UNC13C: variants seen among roughly 807,000 people sequenced by gnomAD.
UNC13C encodes the protein unc-13 homolog C, also known as protein unc-13 homolog C.
Under a neutral mutation model 245.4 loss-of-function variants are expected in UNC13C, and 174 were observed. The observed-to-expected ratio is 0.71, with a 90% CI of 0.63 to 0.80. UNC13C has a LOEUF of 0.80. Among genes scored for constraint, UNC13C ranks in the 30% least tolerant of loss-of-function variants. UNC13C has a pLI of 0.00. For missense variants in UNC13C, 2,829 were observed against 2,602.9 expected (o/e 1.09, Z -1.89); for synonymous variants, 992 against 895.1 (o/e 1.11, Z -1.93).
At chr15:54,358,043 A>G (rs951990371) in intron 17 of UNC13C, among the ~76,000 whole-genome samples, 3 of 152,074 alleles carry the variant, frequency 2.0e-5, no homozygotes, top group East Asian at 1.9e-4. Context: ...TCAGTATGCA[A>G]TCGAGCTTTC....
At chr15:54,352,556 C>T (rs1210496156) in intron 17 of UNC13C, among the ~76,000 whole-genome samples, 4 of 151,574 alleles carry the variant, frequency 2.6e-5, no homozygotes, top group African/African-American at 9.7e-5. Context: ...CCTGATTCGT[C>T]AGAACAGTGT....
At chr15:53,874,767 A>G in the UNC13C span, among the ~76,000 whole-genome samples, 12 of 152,146 alleles carry the variant, frequency 7.9e-5, no homozygotes, top group East Asian at 1.9e-4. Flanking sequence ...ACTTCCACAT[A>G]TACTTGGCAC....
At chr15:54,121,310 G>A (rs902098697) in intron 2 of UNC13C, among the ~76,000 whole-genome samples, 12 of 152,052 alleles carry the variant, frequency 7.9e-5, no homozygotes, top group South Asian at 2.1e-4. Context: ...TACAATTTGC[G>A]GAAGGCTCAG....
intron 12 of UNC13C, 86 bp downstream of exon 12, chr15:54,298,012 A>T: frequency 1.0e-6 from 1 of 983,798 alleles, no homozygotes; most frequent in Non-Finnish European, 1.5e-6. Context: ...TTTAAAAATC[A>T]TTGAATTTGT....
the UNC13C span, among the ~76,000 whole-genome samples, chr15:53,851,565 C>T: frequency 6.6e-6 from 1 of 152,150 alleles, no homozygotes; most frequent in East Asian, 1.9e-4. Context: ...TCCTGTCCAC[C>T]TTTCACCTGC....
At chr15:54,064,314 C>A (rs750776469) in intron 2 of UNC13C, among the ~76,000 whole-genome samples, 1 of 152,134 alleles carries the variant, frequency 6.6e-6, no homozygotes, top group Non-Finnish European at 1.5e-5. Context: ...TCTGCATAAA[C>A]ATGGTTGATT....
At chr15:54,447,082 C>G (rs1179734661) in intron 19 of UNC13C, among the ~76,000 whole-genome samples, 2 of 152,046 alleles carry the variant, frequency 1.3e-5, no homozygotes, top group Non-Finnish European at 2.9e-5. Flanking sequence ...TGTTTATGTG[C>G]TGGATTACGT....
intron 30 of UNC13C, chr15:54,609,585 A>G (rs1899964166): frequency 6.6e-6 from 1 of 152,202 alleles, no homozygotes; most frequent in African/African-American, 2.4e-5. Context: ...TTTGTTAAAC[A>G]ATTCAGATAA....
intron 4 of UNC13C, among the ~76,000 whole-genome samples, chr15:54,227,172 G>A (rs967679979): frequency 6.6e-5 from 10 of 152,090 alleles, no homozygotes; most frequent in African/African-American, 1.2e-4. Flanking sequence ...CAGGCAGATC[G>A]TTCTTATTTC....
At chr15:54,538,133 C>CAAAAAAAAAAAAAAAAAAAA (rs56041311) in intron 26 of UNC13C, among the ~76,000 whole-genome samples, 2 of 10,248 alleles carry the variant, frequency 2.0e-4, no homozygotes, top group Non-Finnish European at 2.4e-4. Flanking sequence ...CATTAACAAG[C>CAAAAAAAAAAAAAAAAAAAA]AAAAAAAAAA....
intron 30 of UNC13C, among the ~76,000 whole-genome samples, chr15:54,572,890 C>A (rs1897818824): frequency 6.6e-6 from 1 of 152,108 alleles, no homozygotes; most frequent in South Asian, 2.1e-4. Flanking sequence ...TTTTACTTTT[C>A]TTATTCTCAT....
chr15:54,169,932 T>C lies in UNC13C; in HGVS notation c.3071+26248T>C, dbSNP rs1187438661. On this transcript the variant is annotated intron_variant, in intron 4 of 32. Coordinates refer to ENST00000260323, the MANE Select transcript of UNC13C (RefSeq NM_001080534.3). ...ATCTTTTATGTGATAATGCATTTGA[T>C]ATCTATCTCCTCTCCCACAAGGTTG... is the stretch of plus-strand genomic sequence containing the variant. Among the ~76,000 whole-genome samples the C allele has an allele frequency of 2.7e-4, 41 of 152,088 alleles. 1 individual carries two copies. Among genetic ancestry groups the C allele is most frequent in the Admixed American group, 2.7e-3 (41 of 15,266 alleles).
chr15:54,148,072 C>T (rs2032357027), intron 4 of UNC13C, among the ~76,000 whole-genome samples: 1 of 152,008 alleles, frequency 6.6e-6, no homozygotes, highest in South Asian at 2.1e-4. Flanking sequence ...ATGATTGAAC[C>T]TTATCAGGAA....
At chr15:54,465,152 A>G (rs1021344487) in intron 19 of UNC13C, among the ~76,000 whole-genome samples, 4 of 152,096 alleles carry the variant, frequency 2.6e-5, no homozygotes, top group Non-Finnish European at 5.9e-5. Context: ...TAAAACTAAA[A>G]GGAAACAGTC....
intron 30 of UNC13C, among the ~76,000 whole-genome samples, chr15:54,602,799 G>A (rs527959248): frequency 4.0e-5 from 1 of 25,314 alleles, no homozygotes; most frequent in East Asian, 1.1e-3. Context: ...TTTCTTGATA[G>A]TTTTTCATGC....
At chr15:53,970,402 C>T in the UNC13C span, among the ~76,000 whole-genome samples, 152 of 152,174 alleles carry the variant, frequency 1.0e-3, 1 homozygote, top group Middle Eastern at 3.4e-3. Flanking sequence ...AAAAATATTC[C>T]GTTGTATATA....
chr15:53,918,165 C>A, the UNC13C span, among the ~76,000 whole-genome samples: 1 of 152,140 alleles, frequency 6.6e-6, no homozygotes, highest in Non-Finnish European at 1.5e-5. Flanking sequence ...CCCTTTCTTC[C>A]CCTGCGTTTT....
intron 4 of UNC13C, among the ~76,000 whole-genome samples, chr15:54,171,125 A>C (rs2033383068): frequency 6.6e-6 from 1 of 152,152 alleles, no homozygotes; most frequent in Non-Finnish European, 1.5e-5. Context: ...CATTATTGCT[A>C]AACATTCCCT....
chr15:54,049,408 A>G (rs1897179172), intron 2 of UNC13C: 2 of 508,250 alleles, frequency 3.9e-6, no homozygotes, highest in African/African-American at 2.0e-5. Context: ...GAGATCAAAT[A>G]TAATTGGTGT....
Sources: allele counts gnomAD v4.1 joint callset (sites outside exome capture counted in the v4.1 genomes callset), GRCh38; gene constraint gnomAD v4.1.1; transcripts MANE v1.5; gene names NCBI Gene and HGNC (gene_info 2026-07-23, HGNC 2026-07-21).